Variants in CENPF observed in about 807,000 individuals in gnomAD.
The protein encoded by CENPF is AH antigen.
CENPF carries 214 observed loss-of-function variants against 307.3 expected under a neutral mutation model. The ratio of observed to expected loss-of-function variants is 0.70; its 90% confidence interval spans 0.62 to 0.78. The LOEUF (loss-of-function observed/expected upper bound fraction) is 0.78, where lower values mean the gene tolerates loss of function less well. Among genes scored for constraint, CENPF ranks in the 30% least tolerant of loss-of-function variants. The pLI, the probability that CENPF is intolerant of heterozygous loss-of-function variation, is 0.00. For missense variants in CENPF, 3,401 were observed against 3,483.9 expected, an observed-to-expected ratio of 0.98 and a Z score of 0.60; for synonymous variants, 1,259 against 1,270.6, an observed-to-expected ratio of 0.99 and a Z score of 0.19.
At chr1:214,619,475 T>G (rs1482720466) in intron 5 of CENPF, among the ~76,000 whole-genome samples, 1 of 152,206 alleles carries the variant, frequency 6.6e-6, no homozygotes, top group South Asian at 2.1e-4. Context: ...CTTAATTATT[T>G]CCCTATTAAG....
At chr1:214,608,703 A>C in intron 1 of CENPF, 1 of 1,594,192 alleles carries the variant, frequency 6.3e-7, no homozygotes, top group South Asian at 1.1e-5. Context: ...CCCCGGCCCC[A>C]CCAGGCCCCG....
chr1:214,622,067 T>G lies in CENPF; in HGVS notation c.866-12T>G, dbSNP rs1255678819. The G allele has an allele frequency of 1.9e-6, 3 of 1,605,018 alleles. No homozygotes were observed. The African/African-American group carries it at 4.0e-5, about 22-fold the overall frequency. ...ATATGAATTGGAGTGTGATTTTTGT[T>G]TGTGGTTCAAGAGCTAAGAAACAAG... On this transcript the variant is annotated splice_polypyrimidine_tract_variant and intron_variant, in intron 6 of 19. Transcript: ENST00000366955.
rs17023274 is a variant in CENPF, at chr1:214,614,200, A to G, written c.162+284A>G. Among the ~76,000 whole-genome samples the G allele has an allele frequency of 0.07, 10,491 of 149,688 alleles. 424 individuals carry two copies. The highest frequency in any genetic ancestry group is 0.14 in the South Asian group (683 of 4,758). ...TGCTTACCTGCTAATATTTAGGGCT[A>G]TTGAGTTCCATTTCAACTTCCATGT... On this transcript the variant is annotated intron_variant, in intron 2 of 19. Coordinates refer to ENST00000366955, the MANE Select transcript of CENPF (RefSeq NM_016343.4).
intron 7 of CENPF, among the ~76,000 whole-genome samples, chr1:214,625,241 G>A (rs1490064888): frequency 6.6e-6 from 1 of 151,840 alleles, no homozygotes; most frequent in Non-Finnish European, 1.5e-5. Context: ...TTGAGACGGA[G>A]TCTGGCTCTG....
chr1:214,617,341 C>T (rs1657387778), intron 3 of CENPF, among the ~76,000 whole-genome samples: 1 of 152,160 alleles, frequency 6.6e-6, no homozygotes, highest in African/African-American at 2.4e-5. Context: ...AGCCACTGGG[C>T]CCGGCATTAC....
intron 10 of CENPF, among the ~76,000 whole-genome samples, chr1:214,636,141 G>A (rs1186633192): frequency 6.6e-6 from 1 of 152,078 alleles, no homozygotes; most frequent in Non-Finnish European, 1.5e-5. Flanking sequence ...GTTAAATTTT[G>A]GGAGGAAATA....
Position 214,644,900 on chromosome 1 carries a change from AAG to A in CENPF, c.5334_5335del (p.Glu1778AspfsTer4), listed in dbSNP as rs1658241676. The A allele has an allele frequency of 6.2e-7, 1 of 1,613,912 alleles. No homozygotes were observed. Among genetic ancestry groups the A allele is most frequent in the Non-Finnish European group, 8.5e-7 (1 of 1,179,990 alleles). On this transcript the variant is annotated frameshift_variant, in exon 13 of 20. Transcript: ENST00000366955. LOFTEE classifies it high-confidence loss of function. ...ATCCATAATCTTCAACTGCGGGTAA[AAG>A]AGACATCAAATGAGAATTTGAGATT...
At chr1:214,648,129 T>C (rs1658363889) in intron 13 of CENPF, 1 of 346,466 alleles carries the variant, frequency 2.9e-6, no homozygotes, top group South Asian at 2.3e-5. Context: ...ACAAAATTCA[T>C]CTCCACCCTG....
chr1:214,663,546 A>G (rs1415933489), intron 19 of CENPF, 45 bp from the exon 20 acceptor site: 1 of 1,573,118 alleles, frequency 6.4e-7, no homozygotes, highest in East Asian at 2.2e-5. Flanking sequence ...ATGTTGTGGA[A>G]ATGTGAATGT....
At position 214,655,259 on chromosome 1, in the gene CENPF, G is replaced by A. The variant is rs201359209; in HGVS notation, c.8341G>A (p.Val2781Ile). The change falls in exon 17 of 20, where the codon GTA becomes ATA. Residue 2781 changes from valine (V) to isoleucine (I), a missense_variant. By Grantham distance (29) the Val-to-Ile change is conservative. Coordinates refer to ENST00000366955, the MANE Select transcript of CENPF (RefSeq NM_016343.4). The stretch of plus-strand genomic sequence containing the variant: ...TTTGTAGATGGACAATCTAAAATAT[G>A]TAAATCAGTTGAAGAAGGAAAATGA... ...KKTKMDNLKY[V>I]NQLKKENERA... 8 of 1,599,328 alleles carry A rather than the reference G, an allele frequency of 5.0e-6. No homozygotes were observed. The East Asian group carries it at 1.6e-4, about 31-fold the overall frequency.
chr1:214,617,917 C>G (rs540554323), intron 3 of CENPF, among the ~76,000 whole-genome samples: 5 of 152,276 alleles, frequency 3.3e-5, no homozygotes, highest in African/African-American at 1.2e-4. Flanking sequence ...AGTCTGTTCT[C>G]AAACTGCTAT....
chr1:214,644,621 G>A lies in CENPF; in HGVS notation c.5051G>A (p.Arg1684Lys). Residue 1684 changes from arginine (R) to lysine (K), a missense_variant, in exon 13 of 20, where the codon AGA (arginine) becomes AAA (lysine). Arg to Lys is a conservative substitution (Grantham distance 26). Coordinates refer to ENST00000366955, the MANE Select transcript of CENPF (RefSeq NM_016343.4). ...SKEHTSETTERTPKHDVHQIC... is the reference protein window; with the variant it reads ...SKEHTSETTEKTPKHDVHQIC... ...GAACATACTTCAGAAACTACAGAAA[G>A]AACACCAAAGCATGATGTTCATCAG... The A allele has an allele frequency of 1.2e-6, 2 of 1,613,704 alleles. No homozygotes were observed. The highest frequency in any genetic ancestry group is 8.5e-7 in the Non-Finnish European group (1 of 1,179,850).
In CENPF at chr1:214,641,161, A is replaced by G. The variant is rs549879703; in HGVS notation, c.2823A>G (p.Leu941=). ...KKSNHLLEDS[L]KELQLLSETL... is the part of the protein sequence containing the mutation. ...GCAACCATCTACTTGAAGACTCTCT[A>G]AAGGAGCTACAACTTTTATCCGAAA... The change falls in exon 12 of 20, where the codon CTA becomes CTG. Residue 941 remains leucine (L), a synonymous_variant. Coordinates refer to ENST00000366955, the MANE Select transcript of CENPF (RefSeq NM_016343.4). The G allele has an allele frequency of 3.8e-4, 602 of 1,602,678 alleles. 8 individuals carry two copies. In the South Asian group the frequency reaches 6.4e-3, roughly 17 times the overall value.
At chr1:214,653,540 G>C (rs889872947) in intron 16 of CENPF, 1 of 154,038 alleles carries the variant, frequency 6.5e-6, no homozygotes, top group African/African-American at 2.4e-5. Flanking sequence ...TGGTACCACT[G>C]TAATTCTACC....
chr1:214,611,428 C>T (rs961108956), intron 1 of CENPF, among the ~76,000 whole-genome samples: 36 of 151,904 alleles, frequency 2.4e-4, no homozygotes, highest in African/African-American at 6.0e-4. Context: ...TGCAGTGGTG[C>T]GATCTCAGCT....
At chr1:214,605,677 AG>A in intron 1 of CENPF, 1 of 1,583,312 alleles carries the variant, frequency 6.3e-7, no homozygotes, top group South Asian at 1.1e-5. Context: ...TGCCGCCGCT[AG>A]GCGAGCTGGC....
rs757659439 is a variant in CENPF at position 214,640,646 on chromosome 1, A to G, written c.2308A>G (p.Lys770Glu). 1.2e-6 allele frequency: 2 copies of G among 1,614,156 alleles called. No individual in the cohort carries two copies. Among genetic ancestry groups the G allele is most frequent in the Non-Finnish European group, 1.7e-6 (2 of 1,180,012 alleles). The change falls in exon 12 of 20, where the codon AAA (lysine) becomes GAA (glutamate). Residue 770 changes from lysine to glutamate, a missense_variant. Transcript: ENST00000366955. ...YESLRDLLKS[K>E]DASLVTNEDH... ...GAGCCTCAGGGATCTGCTAAAATCC[A>G]AAGATGCTTCTCTGGTGACAAATGA...
chr1:214,622,663 A>G (rs1657539077), intron 7 of CENPF, among the ~76,000 whole-genome samples: 2 of 152,090 alleles, frequency 1.3e-5, no homozygotes, highest in African/African-American at 2.4e-5. Flanking sequence ...GGGATCGTAT[A>G]TATAGTTGGT....
intron 7 of CENPF, among the ~76,000 whole-genome samples, chr1:214,628,383 T>G (rs1657712848): frequency 6.7e-6 from 1 of 150,320 alleles, no homozygotes; most frequent in African/African-American, 2.4e-5. Flanking sequence ...GGTGCAAGGT[T>G]TTTTTTTTTT....
Sources: allele counts gnomAD v4.1 joint callset (sites outside exome capture counted in the v4.1 genomes callset), GRCh38; gene constraint gnomAD v4.1.1; transcripts MANE v1.5; gene names NCBI Gene and HGNC (gene_info 2026-07-23, HGNC 2026-07-21).